Variants in ZCCHC17 observed in about 807,000 individuals in gnomAD.
ZCCHC17 encodes zinc finger CCHC domain-containing protein 17.
Under a neutral mutation model 30.6 loss-of-function variants are expected in ZCCHC17, and 18 were observed. The observed-to-expected ratio is 0.59, with a 90% CI of 0.41 to 0.87. The LOEUF (loss-of-function observed/expected upper bound fraction) is 0.87. ZCCHC17 is among the 40% of genes least tolerant of loss of function. The pLI is 0.00. For missense variants in ZCCHC17, 263 were observed against 284.2 expected, an observed-to-expected ratio of 0.93 and a Z score of 0.54; for synonymous variants, 88 against 92.4, an observed-to-expected ratio of 0.95 and a Z score of 0.27.
At chr1:31,307,740 C>T (rs534017224) in intron 1 of ZCCHC17, among the ~76,000 whole-genome samples, 1 of 151,996 alleles carries the variant, frequency 6.6e-6, no homozygotes, top group East Asian at 1.9e-4. Context: ...ATGCCCGGCT[C>T]ATTTTTTGTA....
At chr1:31,349,209 T>G (rs1021125120) in intron 7 of ZCCHC17, among the ~76,000 whole-genome samples, 2 of 152,034 alleles carry the variant, frequency 1.3e-5, no homozygotes, top group African/African-American at 4.8e-5. Flanking sequence ...AAAGAAATTT[T>G]TTTTGTTAAA....
intron 5 of ZCCHC17, among the ~76,000 whole-genome samples, chr1:31,339,809 C>T (rs759052689): frequency 6.6e-6 from 1 of 152,136 alleles, no homozygotes; most frequent in African/African-American, 2.4e-5. Context: ...GGTTTAGACT[C>T]CCACATCTTG....
chr1:31,347,762 A>G, intron 6 of ZCCHC17, among the ~76,000 whole-genome samples: 1 of 152,048 alleles, frequency 6.6e-6, no homozygotes, highest in Non-Finnish European at 1.5e-5. Context: ...GGTGTGTACC[A>G]CCATGTCCAG....
At chr1:31,349,024 ATGAAAATC>A in intron 7 of ZCCHC17, 50 bp downstream of exon 7, 4 of 1,526,408 alleles carry the variant, frequency 2.6e-6, no homozygotes, top group Non-Finnish European at 3.5e-6. Flanking sequence ...AAGTTTTAAG[ATGAAAATC>A]TGAAAAGCCT....
intron 2 of ZCCHC17, chr1:31,318,378 A>G: frequency 1.5e-6 from 1 of 672,580 alleles, no homozygotes; most frequent in Non-Finnish European, 2.4e-6. Flanking sequence ...TAGGTTAATG[A>G]TTTATCTGGC....
At chr1:31,357,522 T>C (rs1376348899) in intron 7 of ZCCHC17, among the ~76,000 whole-genome samples, 4 of 152,182 alleles carry the variant, frequency 2.6e-5, no homozygotes, top group Non-Finnish European at 5.9e-5. Context: ...GCAGGTAAAG[T>C]AGTGAACAAA....
Position 31,351,436 on chromosome 1 carries a change from C to T in ZCCHC17, c.564+2462C>T, listed in dbSNP as rs992385911. Among the ~76,000 whole-genome samples, 12 of 151,762 alleles carry T rather than the reference C, an allele frequency of 7.9e-5. No individual in the cohort carries two copies. In the South Asian group the frequency reaches 2.1e-3, roughly 26 times the overall value. ...GGTACCATGTTTACAGGGCCTAGGT[C>T]TGGGCATTTTTTTTTTTTTTAAAGC... On this transcript the variant is annotated intron_variant, in intron 7 of 7. Transcript: ENST00000344147.
At chr1:31,330,049 C>G (rs890798907) in intron 3 of ZCCHC17, among the ~76,000 whole-genome samples, 2 of 152,210 alleles carry the variant, frequency 1.3e-5, no homozygotes. Flanking sequence ...GATGAATTGA[C>G]TTAAACTGTG....
At chr1:31,350,264 T>C (rs1300416976) in intron 7 of ZCCHC17, among the ~76,000 whole-genome samples, 2 of 152,230 alleles carry the variant, frequency 1.3e-5, no homozygotes, top group Non-Finnish European at 2.9e-5. Context: ...GGTCATTTTG[T>C]ACCAGGCATT....
intron 7 of ZCCHC17, among the ~76,000 whole-genome samples, chr1:31,355,084 A>C (rs1230071186): frequency 1.3e-5 from 2 of 151,304 alleles, no homozygotes; most frequent in Non-Finnish European, 2.9e-5. Context: ...CTGAGGCAGG[A>C]GAATTGCTTG....
chr1:31,301,861 A>G (rs982210006), intron 1 of ZCCHC17, among the ~76,000 whole-genome samples: 7 of 152,196 alleles, frequency 4.6e-5, no homozygotes, highest in Non-Finnish European at 8.8e-5. Context: ...TTTGAAAGCA[A>G]GAAGCATCTA....
chr1:31,350,246 T>C (rs1184387246), intron 7 of ZCCHC17, among the ~76,000 whole-genome samples: 2 of 152,220 alleles, frequency 1.3e-5, no homozygotes, highest in African/African-American at 4.8e-5. Flanking sequence ...GGCAAACTTT[T>C]GTTGAGGGGT....
rs1327314836 is a variant in ZCCHC17, at chr1:31,346,633, A to G, written c.318-7A>G. ...GGGGCCGGCAGTCGGTATCTTTTTC[A>G]TTATAGGCAAGAAGAGAGGCGGAGG... On this transcript the variant is annotated splice_polypyrimidine_tract_variant and splice_region_variant and intron_variant, in intron 5 of 7. Coordinates refer to ENST00000344147, the MANE Select transcript of ZCCHC17 (RefSeq NM_016505.4). The G allele has an allele frequency of 6.3e-7, 1 of 1,599,506 alleles. No individual in the cohort carries two copies. The highest frequency in any genetic ancestry group is 1.3e-5 in the African/African-American group (1 of 74,548).
At chr1:31,315,827 G>A (rs1345604906) in intron 2 of ZCCHC17, among the ~76,000 whole-genome samples, 1 of 152,182 alleles carries the variant, frequency 6.6e-6, no homozygotes, top group South Asian at 2.1e-4. Flanking sequence ...GGCAGACTGC[G>A]TGATCATCTA....
intron 3 of ZCCHC17, among the ~76,000 whole-genome samples, chr1:31,331,647 C>T (rs139723778): frequency 1.3e-5 from 2 of 151,530 alleles, no homozygotes; most frequent in East Asian, 1.9e-4. Flanking sequence ...GAGTCTCGCT[C>T]TGTTGCCGGG....
At chr1:31,353,260 T>C (rs181794384) in intron 7 of ZCCHC17, among the ~76,000 whole-genome samples, 3 of 152,238 alleles carry the variant, frequency 2.0e-5, no homozygotes, top group African/African-American at 4.8e-5. Flanking sequence ...ATTTTTTATA[T>C]GTTCTGGATA....
intron 1 of ZCCHC17, among the ~76,000 whole-genome samples, chr1:31,305,949 C>T (rs1569740889): frequency 1.3e-5 from 2 of 152,156 alleles, no homozygotes; most frequent in Admixed American, 1.3e-4. Context: ...CCCATTGGAT[C>T]CCTAAAATTG....
intron 2 of ZCCHC17, chr1:31,318,110 A>G (rs1217064804): frequency 2.3e-6 from 3 of 1,305,490 alleles, no homozygotes; most frequent in African/African-American, 3.0e-5. Flanking sequence ...AGTATTCAGT[A>G]TATATTAGTA....
intron 5 of ZCCHC17, among the ~76,000 whole-genome samples, chr1:31,346,281 A>G (rs10798844): frequency 0.6 from 91,784 of 151,998 alleles, 28,007 homozygotes; most frequent in Non-Finnish European, 0.64. Flanking sequence ...TTTAGAGACA[A>G]ACTGTGAAAG....
Sources: gnomAD v4.1 joint callset for allele counts (sites outside exome capture counted in the v4.1 genomes callset) on GRCh38, gnomAD v4.1.1 for gene constraint, MANE v1.5 for transcripts, NCBI Gene and HGNC (gene_info 2026-07-23, HGNC 2026-07-21) for gene names.